Variants in FLI1 observed in about 807,000 individuals in gnomAD.
FLI1 encodes the protein Friend leukemia integration 1 transcription factor.
Under a neutral mutation model 53.1 loss-of-function variants are expected in FLI1, and 13 were observed. The ratio of observed to expected loss-of-function variants is 0.24; its 90% CI spans 0.16 to 0.39. The LOEUF is 0.39. Ranked by LOEUF, FLI1 falls within the 10% of genes least tolerant of loss-of-function variation. The probability of loss-of-function intolerance (pLI) is 1.00; values close to 1 mark genes in which losing one functional copy is unlikely to be tolerated. For missense variants in FLI1, 424 were observed against 600.5 expected, an observed-to-expected ratio of 0.71 and a Z score of 3.07; for synonymous variants, 244 against 236.7, an observed-to-expected ratio of 1.03 and a Z score of -0.28.
rs1941414348 is a variant in FLI1 at position 128,768,109 on chromosome 11, T to C, written c.231-9T>C. Reference sequence around the variant, plus strand: ...GACCGCCTCTGGGCTTTGTCTCTTCTCACTTTAGGGAGTCTCCGGTGGACT... The same window carrying C: ...GACCGCCTCTGGGCTTTGTCTCTTCCCACTTTAGGGAGTCTCCGGTGGACT... On this transcript the variant is annotated splice_polypyrimidine_tract_variant and intron_variant, in intron 2 of 8. Coordinates refer to ENST00000527786, the MANE Select transcript of FLI1 (RefSeq NM_002017.5). 6.2e-7 allele frequency: 1 copy of C among 1,604,272 alleles called. No homozygotes were observed. The highest frequency in any genetic ancestry group is 8.5e-7 in the Non-Finnish European group (1 of 1,173,682).
intron 1 of FLI1, among the ~76,000 whole-genome samples, chr11:128,715,252 G>A (rs77259593): frequency 6.6e-6 from 1 of 152,168 alleles, no homozygotes; most frequent in Non-Finnish European, 1.5e-5. Context: ...AATTATTCCT[G>A]CCCTGGAAGA....
intron 2 of FLI1, chr11:128,764,845 C>T (rs1314315105): frequency 1.9e-6 from 3 of 1,590,464 alleles, no homozygotes; most frequent in African/African-American, 1.3e-5. Flanking sequence ...TCTTTCTCTC[C>T]CTGAGCAGTG....
At chr11:128,705,452 T>G (rs1044127120) in intron 1 of FLI1, among the ~76,000 whole-genome samples, 4 of 152,248 alleles carry the variant, frequency 2.6e-5, no homozygotes, top group African/African-American at 4.8e-5. Context: ...ACCTTCGTTC[T>G]TTCTTCCTTT....
chr11:128,753,439 A>G (rs1364174295), intron 1 of FLI1, among the ~76,000 whole-genome samples: 1 of 152,210 alleles, frequency 6.6e-6, no homozygotes, highest in Non-Finnish European at 1.5e-5. Context: ...GTCATGAGAA[A>G]CGGAAGGAAT....
At chr11:128,694,356 C>G (rs1156729987) in intron 1 of FLI1, 80 bp downstream of exon 1, 2 of 1,139,748 alleles carry the variant, frequency 1.8e-6, no homozygotes, top group East Asian at 3.2e-5. Flanking sequence ...GCGGGGCCCG[C>G]GTCCCGGAAG....
chr11:128,714,029 C>T (rs936968228), intron 1 of FLI1, among the ~76,000 whole-genome samples: 5 of 152,122 alleles, frequency 3.3e-5, no homozygotes, highest in African/African-American at 1.2e-4. Flanking sequence ...AAGGCATTAT[C>T]AGACTAATGT....
At chr11:128,737,786 G>A (rs1226009018) in intron 1 of FLI1, among the ~76,000 whole-genome samples, 2 of 152,192 alleles carry the variant, frequency 1.3e-5, no homozygotes, top group Non-Finnish European at 2.9e-5. Flanking sequence ...TTGTTGTGAG[G>A]TTCTTGTGGA....
In FLI1 at chr11:128,810,312, A is replaced by G; in HGVS notation, c.830-147A>G. The G allele has an allele frequency of 2.6e-6, 2 of 756,898 alleles. No individual in the cohort carries two copies. Among genetic ancestry groups the G allele is most frequent in the Admixed American group, 3.0e-5 (1 of 33,778 alleles). 46.9% of individuals were successfully genotyped at this position (756,898 alleles called of 1,614,324 possible). ...AGAAAGGCAAATCAACAATGACATA[A>G]GAAGGGCTTGTCAAGTCGATCCCAA... On this transcript the variant is annotated intron_variant, in intron 8 of 8. Coordinates refer to ENST00000527786, the MANE Select transcript of FLI1 (RefSeq NM_002017.5). This position sits in a 1 kb window ranked among gnomAD's most constrained non-coding sequence, Gnocchi z 6.6.
In FLI1 at chr11:128,811,435, A is replaced by C. The variant is rs900346260; in HGVS notation, c.*447A>C. On this transcript the variant is annotated 3_prime_UTR_variant, in exon 9 of 9. Coordinates refer to ENST00000527786, the MANE Select transcript of FLI1 (RefSeq NM_002017.5). ...AGTGACAAATAGAGGTGGGAAGCTTATAATCTAATTTTAGGAGGACCAAAT... is the reference window on the plus strand; with the variant it reads ...AGTGACAAATAGAGGTGGGAAGCTTCTAATCTAATTTTAGGAGGACCAAAT... 4.2e-6 allele frequency: 1 copy of C among 236,120 alleles called. No individual in the cohort carries two copies. Among genetic ancestry groups the C allele is most frequent in the African/African-American group, 2.2e-5 (1 of 44,956 alleles). The allele number at this position is 236,120 out of a possible 1,614,324, so 14.6% of individuals were successfully genotyped here. A position where few individuals can be genotyped will look rare whatever the true frequency, so the allele number is the denominator to read the frequency against.
At chr11:128,782,371 G>A (rs1941941890) in intron 5 of FLI1, among the ~76,000 whole-genome samples, 1 of 152,188 alleles carries the variant, frequency 6.6e-6, no homozygotes, top group Non-Finnish European at 1.5e-5. Context: ...AAGGATTCCA[G>A]CATGTCTACC....
intron 1 of FLI1, among the ~76,000 whole-genome samples, chr11:128,719,298 C>T (rs1215433759): frequency 6.8e-6 from 1 of 147,786 alleles, no homozygotes; most frequent in African/African-American, 2.5e-5. Context: ...AAAAACAGTT[C>T]GTAATGTTGT....
In FLI1 at chr11:128,739,679, C is replaced by T. The variant is rs147048699; in HGVS notation, c.19-18436C>T. 4.5e-3 allele frequency among the ~76,000 whole-genome samples: 686 copies of T among 152,094 alleles called. 13 individuals carry two copies. The highest frequency in any genetic ancestry group is 0.016 in the African/African-American group (653 of 41,470). On this transcript the variant is annotated intron_variant, in intron 1 of 8. Transcript: ENST00000527786. The stretch of plus-strand genomic sequence containing the variant: ...GATTTATTAGGGGGGAAAAATCCTT[C>T]GCTTGCTTGCCACACAGGTTATTCT...
chr11:128,781,658 G>T (rs765840390), intron 4 of FLI1, among the ~76,000 whole-genome samples: 1 of 152,268 alleles, frequency 6.6e-6, no homozygotes, highest in Non-Finnish European at 1.5e-5. Flanking sequence ...CATGATTATG[G>T]CACAGACCAC....
rs748499880 is a variant in FLI1 at position 128,758,123 on chromosome 11, G to A, written c.27G>A (p.Leu9=). ...CTTCTCTGGCCCTGCAGGAGGCTCT[G>A]TCGGTGGTGAGCGACGACCAGTCCC... MDGTIKEA[L]SVVSDDQSLF... is the part of the protein sequence containing the mutation. The change falls in exon 2 of 9, where the codon CTG becomes CTA. Residue 9 remains leucine (L), a synonymous_variant. Transcript: ENST00000527786. 3.1e-6 allele frequency: 5 copies of A among 1,611,876 alleles called. No homozygotes were observed. Among genetic ancestry groups the A allele is most frequent in the Non-Finnish European group, 4.2e-6 (5 of 1,179,114 alleles).
chr11:128,787,876 G>A (rs927123145), intron 5 of FLI1, among the ~76,000 whole-genome samples: 5 of 145,698 alleles, frequency 3.4e-5, no homozygotes, highest in Non-Finnish European at 5.9e-5. Flanking sequence ...GCGTGATCTC[G>A]GCTCACTGCA....
chr11:128,766,346 C>T lies in FLI1; in HGVS notation c.231-1772C>T, dbSNP rs147260685. 4.7e-4 allele frequency among the ~76,000 whole-genome samples: 72 copies of T among 152,318 alleles called. No homozygotes were observed. In the East Asian group the frequency reaches 0.011, roughly 23 times the overall value. On this transcript the variant is annotated intron_variant, in intron 2 of 8. Transcript: ENST00000527786. The stretch of plus-strand genomic sequence containing the variant: ...AACCTTCAGCAATCTGGGACTCTGA[C>T]GGCTGGTTTTTGGTTCTCTGCCTGG...
chr11:128,791,274 A>G (rs1045626519), intron 5 of FLI1, among the ~76,000 whole-genome samples: 3 of 152,092 alleles, frequency 2.0e-5, no homozygotes, highest in Admixed American at 6.5e-5. Flanking sequence ...TGTCTACTCT[A>G]TCTTCAACCA....
intron 1 of FLI1, among the ~76,000 whole-genome samples, chr11:128,698,733 T>TGTGTGTGAGAGA (rs766077047): frequency 1.2e-4 from 16 of 133,726 alleles, no homozygotes; most frequent in Admixed American, 3.7e-4. Flanking sequence ...TGTGTGTGTG[T>TGTGTGTGAGAGA]GAGAGAGAGA....
Position 128,810,345 on chromosome 11 carries a change from G to C in FLI1, c.830-114G>C, listed in dbSNP as rs940463340. On this transcript the variant is annotated intron_variant, in intron 8 of 8. Transcript: ENST00000527786. The surrounding 1 kb of genome is among the most constrained non-coding windows in gnomAD (Gnocchi z 6.6). ...TTGTCAAGTCGATCCCAATGTCGAA[G>C]GAAACAAAAGGTTTCTTTAAAAGGA... 26 of 1,072,028 alleles carry C rather than the reference G, an allele frequency of 2.4e-5. No homozygotes were observed. The highest frequency in any genetic ancestry group is 3.3e-5 in the Non-Finnish European group (25 of 751,846). 66.4% of individuals were successfully genotyped at this position (1,072,028 alleles called of 1,614,324 possible).
Sources: gnomAD v4.1 joint callset for allele counts (sites outside exome capture counted in the v4.1 genomes callset) on GRCh38, gnomAD v4.1.1 for gene constraint, Gnocchi (gnomAD v3.1) non-coding constraint, MANE v1.5 for transcripts, NCBI Gene and HGNC (gene_info 2026-07-23, HGNC 2026-07-21) for gene names.